MTMR2: variants seen among roughly 807,000 people sequenced by gnomAD.
MTMR2 encodes myotubularin related protein 2.
Under a neutral mutation model 86.9 loss-of-function variants are expected in MTMR2, and 55 were observed. The ratio of observed to expected loss-of-function variants is 0.63; its 90% CI spans 0.51 to 0.79. MTMR2 has a LOEUF of 0.79. Among genes scored for constraint, MTMR2 ranks in the 30% least tolerant of loss-of-function variants. The probability of loss-of-function intolerance (pLI) is 0.00; values close to 1 mark genes in which losing one functional copy is unlikely to be tolerated. For missense variants in MTMR2, 659 were observed against 772.3 expected (o/e 0.85, Z 1.74); for synonymous variants, 241 against 266.8 (o/e 0.90, Z 0.94).
At chr11:95,854,741 C>T (rs536623276) in intron 7 of MTMR2, among the ~76,000 whole-genome samples, 4 of 151,984 alleles carry the variant, frequency 2.6e-5, no homozygotes, top group African/African-American at 9.7e-5. Context: ...GCTGGGGTCA[C>T]AGGTGTGAAC....
At chr11:95,892,244 C>G (rs1455823339) in intron 1 of MTMR2, among the ~76,000 whole-genome samples, 3 of 152,100 alleles carry the variant, frequency 2.0e-5, no homozygotes, top group Non-Finnish European at 4.4e-5. Context: ...CAGGCCTTTC[C>G]AAAATAGAAT....
At chr11:95,850,472 C>G in intron 8 of MTMR2, 128 bp downstream of exon 8, 1 of 977,448 alleles carries the variant, frequency 1.0e-6, no homozygotes, top group Non-Finnish European at 1.6e-6. Flanking sequence ...AAATCAATCT[C>G]CAATATCCCC....
intron 3 of MTMR2, among the ~76,000 whole-genome samples, chr11:95,863,979 TACG>T (rs1344092020): frequency 1.3e-5 from 2 of 152,210 alleles, no homozygotes; most frequent in Non-Finnish European, 2.9e-5. Context: ...AGCAGTCTAG[TACG>T]ACAACCAGAT....
intron 1 of MTMR2, among the ~76,000 whole-genome samples, chr11:95,908,272 C>T (rs1328933805): frequency 6.6e-6 from 1 of 152,026 alleles, no homozygotes; most frequent in Non-Finnish European, 1.5e-5. Context: ...CCTAGGAATA[C>T]AGGTAACCAG....
At chr11:95,839,355 AT>A (rs1565344771) in intron 12 of MTMR2, among the ~76,000 whole-genome samples, 3 of 151,902 alleles carry the variant, frequency 2.0e-5, no homozygotes, top group Non-Finnish European at 4.4e-5. Flanking sequence ...AATCCCACCT[AT>A]TTTTCACACT....
Position 95,886,049 on chromosome 11 carries a change from A to G in MTMR2, c.186+2107T>C, listed in dbSNP as rs537653196. On this transcript the variant is annotated intron_variant, in intron 2 of 14. Coordinates refer to ENST00000346299, the MANE Select transcript of MTMR2 (RefSeq NM_016156.6). ...CTGACACAGTCATCAAAAACAAAAA[A>G]GTCTGAGAAACTGTCCCAGCCAAGA... 2.6e-5 allele frequency among the ~76,000 whole-genome samples: 4 copies of G among 152,320 alleles called. No individual in the cohort carries two copies. The South Asian group carries it at 6.2e-4, about 24-fold the overall frequency.
In MTMR2 at chr11:95,851,740, C is replaced by T. The variant is rs531049424; in HGVS notation, c.655-991G>A. 6.7e-4 allele frequency among the ~76,000 whole-genome samples: 102 copies of T among 152,272 alleles called. No individual in the cohort carries two copies. The South Asian group carries it at 7.7e-3, about 11-fold the overall frequency. On this transcript the variant is annotated intron_variant, in intron 7 of 14. Transcript: ENST00000346299. Reference sequence around the variant, plus strand: ...ACCAGAGTGCTACATGCACAGCTATCGCTTACATACGTAAAGTACATTTTT... The same window carrying T: ...ACCAGAGTGCTACATGCACAGCTATTGCTTACATACGTAAAGTACATTTTT...
Position 95,836,135 on chromosome 11 carries a change from G to C in MTMR2, c.1770+13C>G. The C allele has an allele frequency of 3.8e-6, 6 of 1,590,996 alleles. No homozygotes were observed. Among genetic ancestry groups the C allele is most frequent in the Non-Finnish European group, 4.3e-6 (5 of 1,161,536 alleles). Reference sequence around the variant, plus strand: ...TGAATGAAAACTCCCATTGTATATTGTAAGGCACATACCTGTGGTTTCATC... The same window carrying C: ...TGAATGAAAACTCCCATTGTATATTCTAAGGCACATACCTGTGGTTTCATC... On this transcript the variant is annotated intron_variant, in intron 14 of 14. Transcript: ENST00000346299.
intron 2 of MTMR2, among the ~76,000 whole-genome samples, chr11:95,883,830 A>G (rs1865425603): frequency 6.6e-6 from 1 of 152,226 alleles, no homozygotes; most frequent in Non-Finnish European, 1.5e-5. Flanking sequence ...CTACTAAGGC[A>G]CTATCCTTTC....
At chr11:95,914,919 C>A (rs993320187) in intron 1 of MTMR2, among the ~76,000 whole-genome samples, 1 of 152,158 alleles carries the variant, frequency 6.6e-6, no homozygotes, top group African/African-American at 2.4e-5. Context: ...CTACTTTATA[C>A]AGTTATGAGG....
At chr11:95,908,194 C>T (rs371873615) in intron 1 of MTMR2, among the ~76,000 whole-genome samples, 28 of 151,638 alleles carry the variant, frequency 1.8e-4, no homozygotes, top group Non-Finnish European at 2.8e-4. Context: ...TTTCTATACA[C>T]GAACAAAATT....
At chr11:95,842,718 G>A (rs1427143988) in intron 11 of MTMR2, among the ~76,000 whole-genome samples, 1 of 152,200 alleles carries the variant, frequency 6.6e-6, no homozygotes, top group South Asian at 2.1e-4. Flanking sequence ...TTGCACTAAT[G>A]ATGCAGAAGT....
At chr11:95,918,430 A>G (rs1866788717) in intron 1 of MTMR2, among the ~76,000 whole-genome samples, 1 of 152,228 alleles carries the variant, frequency 6.6e-6, no homozygotes, top group Admixed American at 6.5e-5. Flanking sequence ...TAGCATAAAA[A>G]GGAAAAATAC....
intron 12 of MTMR2, among the ~76,000 whole-genome samples, chr11:95,838,498 C>A (rs533883828): frequency 6.6e-6 from 1 of 151,990 alleles, no homozygotes; most frequent in Non-Finnish European, 1.5e-5. Context: ...CCAAAATGAC[C>A]ACAAACAACA....
rs370701984 is a variant in MTMR2, at chr11:95,862,331, C to T, written c.298G>A (p.Ala100Thr). 533 of 1,614,024 alleles carry T rather than the reference C, an allele frequency of 3.3e-4. 4 individuals carry two copies. In the South Asian group the frequency reaches 4.0e-3, roughly 12 times the overall value. ...GTGACAGTCAGAGTTCCTCGTACAG[C>T]GCCAGTGAATGGACATATATAAGTT... Reference protein sequence around the residue: ...DVTYICPFTGAVRGTLTVTNY... With the variant: ...DVTYICPFTGTVRGTLTVTNY... Residue 100 changes from alanine (A) to threonine (T), a missense_variant, in exon 4 of 15, where the codon GCT (alanine) becomes ACT (threonine). Ala to Thr is a moderately conservative substitution (Grantham distance 58, BLOSUM62 0). Around this residue, in one of 3 missense-constraint regions of MTMR2, gnomAD observed 387 missense variants for 526.3 expected, o/e 0.74. Coordinates refer to ENST00000346299, the MANE Select transcript of MTMR2 (RefSeq NM_016156.6).
chr11:95,905,563 A>G (rs1866243606), intron 1 of MTMR2, among the ~76,000 whole-genome samples: 1 of 152,166 alleles, frequency 6.6e-6, no homozygotes, highest in Admixed American at 6.6e-5. Context: ...GACTTTCTAG[A>G]TTATTCCCAC....
intron 6 of MTMR2, 128 bp from the exon 7 acceptor site, chr11:95,857,763 T>C: frequency 1.5e-6 from 1 of 669,520 alleles, no homozygotes. Context: ...TTAGCATCCT[T>C]TTTTGTATTA....
At chr11:95,864,294 C>G (rs1053607695) in intron 3 of MTMR2, among the ~76,000 whole-genome samples, 1 of 151,960 alleles carries the variant, frequency 6.6e-6, no homozygotes. Flanking sequence ...GGAAATGGGT[C>G]AAGGATGAAG....
intron 5 of MTMR2, among the ~76,000 whole-genome samples, chr11:95,861,149 C>CAA (rs566201038): frequency 1.9e-4 from 14 of 72,176 alleles, no homozygotes; most frequent in African/African-American, 3.9e-4. Flanking sequence ...GACTCCGTCT[C>CAA]AAAAAAAAAA....
Sources: allele counts gnomAD v4.1 joint callset (sites outside exome capture counted in the v4.1 genomes callset), GRCh38; gene constraint gnomAD v4.1.1; regional missense constraint gnomAD v4.1.1; transcripts MANE v1.5; gene names NCBI Gene and HGNC (gene_info 2026-07-23, HGNC 2026-07-21).